The following AKT3 variants were observed in gnomAD, a reference collection of about 807,000 sequenced individuals.
AKT3 encodes the protein AKT serine/threonine kinase 3.
AKT3 carries 15 observed loss-of-function variants against 65.3 expected under a neutral mutation model. The observed-to-expected ratio is 0.23, with a 90% CI of 0.15 to 0.35. The LOEUF (loss-of-function observed/expected upper bound fraction) is 0.35, where lower values mean the gene tolerates loss of function less well. Ranked by LOEUF, AKT3 falls within the 10% of genes least tolerant of loss-of-function variation. The probability of loss-of-function intolerance (pLI) is 1.00; values close to 1 mark genes in which losing one functional copy is unlikely to be tolerated. For missense variants in AKT3, 243 were observed against 576.5 expected (o/e 0.42, Z 5.92); for synonymous variants, 206 against 183.8 (o/e 1.12, Z -0.98).
At chr1:243,562,387 A>G (rs940668193) in intron 10 of AKT3, among the ~76,000 whole-genome samples, 6 of 152,186 alleles carry the variant, frequency 3.9e-5, no homozygotes, top group African/African-American at 1.4e-4. Context: ...CTGGAATTGG[A>G]CAGCGATGAT....
At chr1:243,583,557 G>GAAAAAAAAAAAAAA in intron 8 of AKT3, among the ~76,000 whole-genome samples, 1 of 38,788 alleles carries the variant, frequency 2.6e-5, no homozygotes, top group Non-Finnish European at 1.0e-4. Context: ...AAAAAAAAAA[G>GAAAAAAAAAAAAAA]AAAAAAAAAA....
chr1:243,848,409 T>A (rs1358146136), intron 1 of AKT3, among the ~76,000 whole-genome samples: 1 of 152,218 alleles, frequency 6.6e-6, no homozygotes, highest in African/African-American at 2.4e-5. Context: ...AATATTTTCA[T>A]GTTTTAGACA....
chr1:243,522,080 C>T (rs1670754198), intron 12 of AKT3, among the ~76,000 whole-genome samples: 1 of 152,126 alleles, frequency 6.6e-6, no homozygotes, highest in South Asian at 2.1e-4. Context: ...TTTTAAAAGG[C>T]ATGAGAGGGT....
chr1:243,535,810 C>T (rs1250364989), intron 12 of AKT3, among the ~76,000 whole-genome samples: 3 of 152,186 alleles, frequency 2.0e-5, no homozygotes, highest in African/African-American at 7.2e-5. Flanking sequence ...CTGTTTTCCA[C>T]AGAGGTTGTA....
At chr1:243,649,311 A>ATGTGTGTG (rs1386931204) in intron 4 of AKT3, among the ~76,000 whole-genome samples, 2 of 58,352 alleles carry the variant, frequency 3.4e-5, no homozygotes, top group African/African-American at 8.3e-5. Context: ...TGTTATGTGT[A>ATGTGTGTG]TATGTGTGTG....
At chr1:243,549,256 C>T (rs1376182756) in intron 11 of AKT3, among the ~76,000 whole-genome samples, 3 of 152,230 alleles carry the variant, frequency 2.0e-5, no homozygotes, top group South Asian at 2.1e-4. Flanking sequence ...AACATCTAGC[C>T]CCATCAAGCC....
At chr1:243,791,044 C>G (rs1473446406) in intron 2 of AKT3, among the ~76,000 whole-genome samples, 1 of 152,164 alleles carries the variant, frequency 6.6e-6, no homozygotes, top group African/African-American at 2.4e-5. Flanking sequence ...AACATAAGCA[C>G]ATGCTCTTGG....
chr1:243,659,706 C>T (rs1412550989), intron 4 of AKT3, among the ~76,000 whole-genome samples: 1 of 152,090 alleles, frequency 6.6e-6, no homozygotes, highest in Non-Finnish European at 1.5e-5. Flanking sequence ...AGAGTCCACC[C>T]TTATATCATG....
At chr1:243,812,224 A>C (rs1178595794) in intron 2 of AKT3, among the ~76,000 whole-genome samples, 2 of 152,264 alleles carry the variant, frequency 1.3e-5, no homozygotes, top group Non-Finnish European at 2.9e-5. Flanking sequence ...CTACCATCAG[A>C]GTGAACAGCC....
intron 10 of AKT3, among the ~76,000 whole-genome samples, chr1:243,557,480 CTAAG>C (rs1479548984): frequency 1.3e-5 from 2 of 151,976 alleles, no homozygotes; most frequent in East Asian, 3.8e-4. Flanking sequence ...TGACAGACCT[CTAAG>C]TAAGTAAAAG....
In AKT3 at chr1:243,769,575, G is replaced by A. The variant is rs1690046622; in HGVS notation, c.46+73550C>T. 2.0e-5 allele frequency among the ~76,000 whole-genome samples: 3 copies of A among 151,960 alleles called. No individual in the cohort carries two copies. In the South Asian group the frequency reaches 6.2e-4, roughly 32 times the overall value. On this transcript the variant is annotated intron_variant, in intron 2 of 13. Coordinates refer to ENST00000673466, the MANE Select transcript of AKT3 (RefSeq NM_005465.7). Reference sequence around the variant, plus strand: ...TTGAGCATCTTTTCATGTATTATTGGCCATTTGATTATCTTCTTTGGAGAA... The same window carrying A: ...TTGAGCATCTTTTCATGTATTATTGACCATTTGATTATCTTCTTTGGAGAA...
chr1:243,773,937 T>C (rs1690370645), intron 2 of AKT3, among the ~76,000 whole-genome samples: 1 of 152,328 alleles, frequency 6.6e-6, no homozygotes, highest in Non-Finnish European at 1.5e-5. Flanking sequence ...CTAGTGTGTT[T>C]ATTCATCATT....
chr1:243,650,286 T>A (rs1372378211), intron 4 of AKT3, among the ~76,000 whole-genome samples: 1 of 152,180 alleles, frequency 6.6e-6, no homozygotes, highest in Non-Finnish European at 1.5e-5. Flanking sequence ...GTTTAAGTTC[T>A]TTGTAGATTC....
intron 2 of AKT3, among the ~76,000 whole-genome samples, chr1:243,839,740 TAAC>T (rs756974926): frequency 1.1e-4 from 16 of 151,934 alleles, no homozygotes; most frequent in South Asian, 2.1e-4. Flanking sequence ...TATCTGGAGA[TAAC>T]AACAATTGAT....
chr1:243,570,504 A>G (rs1674480019), intron 9 of AKT3, among the ~76,000 whole-genome samples: 1 of 152,212 alleles, frequency 6.6e-6, no homozygotes, highest in South Asian at 2.1e-4. Flanking sequence ...AGAATGATAT[A>G]GTGACAAGAA....
intron 3 of AKT3, among the ~76,000 whole-genome samples, chr1:243,676,158 G>A (rs1310342477): frequency 6.6e-6 from 1 of 152,182 alleles, no homozygotes; most frequent in Non-Finnish European, 1.5e-5. Flanking sequence ...GAGTTGAAGT[G>A]AACGGGAGGT....
intron 4 of AKT3, among the ~76,000 whole-genome samples, chr1:243,652,771 CAAAA>C (rs371580711): frequency 2.6e-4 from 8 of 31,296 alleles, no homozygotes; most frequent in South Asian, 2.5e-3. Flanking sequence ...AAATAGAAAG[CAAAA>C]AAAAAAAAAA....
At chr1:243,630,229 AG>A (rs1258607834) in intron 6 of AKT3, among the ~76,000 whole-genome samples, 1 of 152,238 alleles carries the variant, frequency 6.6e-6, no homozygotes, top group Non-Finnish European at 1.5e-5. Context: ...CAATATCCCC[AG>A]AAGTCTCAAC....
chr1:243,645,588 A>G (rs1680749086), intron 5 of AKT3, among the ~76,000 whole-genome samples: 1 of 152,228 alleles, frequency 6.6e-6, no homozygotes, highest in Non-Finnish European at 1.5e-5. Flanking sequence ...ACATTTTATT[A>G]CAAAGTTTCT....
Sources: gnomAD v4.1 joint callset for allele counts (sites outside exome capture counted in the v4.1 genomes callset) on GRCh38, gnomAD v4.1.1 for gene constraint, MANE v1.5 for transcripts, NCBI Gene and HGNC (gene_info 2026-07-23, HGNC 2026-07-21) for gene names.